The following LMNTD1 variants were observed in gnomAD, a reference collection of about 807,000 sequenced individuals.
The protein encoded by LMNTD1 is lamin tail domain containing 1.
LMNTD1 carries 35 observed loss-of-function variants against 50.9 expected under a neutral mutation model. The ratio of observed to expected loss-of-function variants is 0.69; its 90% CI spans 0.53 to 0.91. The LOEUF (loss-of-function observed/expected upper bound fraction) is 0.91, where lower values mean the gene tolerates loss of function less well. Ranked by LOEUF, LMNTD1 falls within the 40% of genes least tolerant of loss-of-function variation. LMNTD1 has a pLI of 0.00. For synonymous variants in LMNTD1, 153 were observed against 161.9 expected, an observed-to-expected ratio of 0.94 and a Z score of 0.42; for missense variants, 470 against 475.5, an observed-to-expected ratio of 0.99 and a Z score of 0.11.
At chr12:25,618,642 A>G (rs1218646104) in intron 1 of LMNTD1, among the ~76,000 whole-genome samples, 2 of 152,202 alleles carry the variant, frequency 1.3e-5, no homozygotes, top group African/African-American at 4.8e-5. Flanking sequence ...AAGGGAACAT[A>G]GGAATCGGAG....
At chr12:25,563,578 G>A (rs760931165) in intron 1 of LMNTD1, among the ~76,000 whole-genome samples, 9 of 152,190 alleles carry the variant, frequency 5.9e-5, no homozygotes, top group African/African-American at 1.2e-4. Flanking sequence ...TCCCAGTTAC[G>A]CTACTCAGGG....
chr12:25,632,005 C>A lies in LMNTD1; in HGVS notation c.58+16489G>T, dbSNP rs117964363. On this transcript the variant is annotated intron_variant, in intron 1 of 7. Coordinates refer to the LMNTD1 transcript ENST00000445693. ...GACACACTTATAGAAATGTAAAATG[C>A]TCTGCAAAGCCTCAGCAATAGAATT... 3.7e-3 allele frequency among the ~76,000 whole-genome samples: 558 copies of A among 152,152 alleles called. 5 individuals carry two copies. In the East Asian group the frequency reaches 0.041, roughly 11 times the overall value.
Position 25,503,752 on chromosome 12 carries a change from T to C in LMNTD1, c.*8A>G, listed in dbSNP as rs774307613. On this transcript the variant is annotated 3_prime_UTR_variant, in exon 9 of 10. Transcript: ENST00000458174. ...CAGTTACTTACCTTTAAAGGTTGAG[T>C]TGACTGCTTATTGCTTTTGTGACTC... 28 of 1,573,758 alleles carry C rather than the reference T, an allele frequency of 1.8e-5. No individual in the cohort carries two copies. In the Admixed American group the frequency reaches 4.8e-4, roughly 27 times the overall value.
chr12:25,635,450 G>A (rs938980614), intron 1 of LMNTD1, among the ~76,000 whole-genome samples: 2 of 151,992 alleles, frequency 1.3e-5, no homozygotes, highest in Admixed American at 1.3e-4. Flanking sequence ...ACCTCTACAA[G>A]AAAAACTGTA....
chr12:25,606,836 G>T (rs1465997682), intron 1 of LMNTD1, among the ~76,000 whole-genome samples: 1 of 152,184 alleles, frequency 6.6e-6, no homozygotes, highest in Non-Finnish European at 1.5e-5. Context: ...TCAGGATGAT[G>T]CTGGCCTCAT....
At chr12:25,495,857 T>C (rs1939045349) in intron 9 of LMNTD1, among the ~76,000 whole-genome samples, 1 of 152,180 alleles carries the variant, frequency 6.6e-6, no homozygotes, top group South Asian at 2.1e-4. Flanking sequence ...ATTTCTCTCT[T>C]TCTTGCAAGG....
At position 25,488,706 on chromosome 12, in the gene LMNTD1, A is replaced by G. The variant is rs1336450071; in HGVS notation, c.*23-12246T>C. On this transcript the variant is annotated intron_variant, in intron 9 of 9. Transcript: ENST00000458174. ...TGCGTTCCTTTGGAGGAGGAGAGGC[A>G]CTCTGCGTTTTAGAGTTTCCAGTTT... Among the ~76,000 whole-genome samples the G allele has an allele frequency of 3.2e-4, 48 of 152,012 alleles. No homozygotes were observed. The South Asian group carries it at 5.2e-3, about 16-fold the overall frequency.
rs1941178099 is a variant in LMNTD1 at position 25,520,075 on chromosome 12, C to G, written c.799G>C (p.Ala267Pro). The G allele has an allele frequency of 6.3e-7, 1 of 1,599,142 alleles. No individual in the cohort carries two copies. Among genetic ancestry groups the G allele is most frequent in the Non-Finnish European group, 8.5e-7 (1 of 1,172,674 alleles). ...ITILCKPNGQ[A>P]IAWYTPIHWK... ...TGGATAGGGGTGTACCACGCAATGG[C>G]CTAATGAAAATGATTTATTAATGTT... is the stretch of plus-strand genomic sequence containing the variant. The change falls in exon 7 of 10, where the codon GCC becomes CCC. Residue 267 changes from alanine (A) to proline (P), a missense_variant and splice_region_variant. Transcript: ENST00000458174.
chr12:25,535,133 G>T (rs1942494479), intron 4 of LMNTD1, among the ~76,000 whole-genome samples: 2 of 152,272 alleles, frequency 1.3e-5, no homozygotes, highest in South Asian at 2.1e-4. Flanking sequence ...AACTGTATTT[G>T]TATGTTCAAA....
intron 9 of LMNTD1, among the ~76,000 whole-genome samples, chr12:25,495,278 G>GTGTGTGTGTT (rs993284579): frequency 1.3e-5 from 2 of 151,854 alleles, no homozygotes; most frequent in African/African-American, 4.8e-5. Context: ...GTGTGTGTGT[G>GTGTGTGTGTT]TGTGTAGGCA....
At chr12:25,602,412 A>C (rs922000540) in intron 1 of LMNTD1, among the ~76,000 whole-genome samples, 4 of 151,996 alleles carry the variant, frequency 2.6e-5, no homozygotes, top group African/African-American at 9.7e-5. Flanking sequence ...ATTTGAGAAA[A>C]GGGCAAAGTA....
rs116489373 is a variant in LMNTD1, at chr12:25,596,974, C to T, written c.59-50420G>A. Among the ~76,000 whole-genome samples the T allele has an allele frequency of 4.1e-3, 620 of 151,960 alleles. 6 individuals are homozygous for T. The highest frequency in any genetic ancestry group is 0.014 in the African/African-American group (585 of 41,508). ...GCTTGTTAGGTTGTTTATTCAACAG[C>T]GTTAAGTTGTTATCAGCTTAAAATA... On this transcript the variant is annotated intron_variant, in intron 1 of 7. Transcript: ENST00000445693.
chr12:25,596,876 T>C (rs1312256019), intron 1 of LMNTD1, among the ~76,000 whole-genome samples: 1 of 151,770 alleles, frequency 6.6e-6, no homozygotes, highest in Non-Finnish European at 1.5e-5. Flanking sequence ...GTACAATAAA[T>C]GTAAATAGAA....
chr12:25,597,036 C>A (rs2666794), intron 1 of LMNTD1, among the ~76,000 whole-genome samples: 145,852 of 152,020 alleles, frequency 0.96, 70,274 homozygotes, highest in East Asian at 1. Flanking sequence ...CCTCATGATA[C>A]TCTCAAAACA....
intron 1 of LMNTD1, among the ~76,000 whole-genome samples, chr12:25,565,563 T>A (rs1050868086): frequency 6.6e-6 from 1 of 152,200 alleles, no homozygotes; most frequent in African/African-American, 2.4e-5. Flanking sequence ...TGAAAAGTTG[T>A]TGTAGTTATT....
intron 6 of LMNTD1, among the ~76,000 whole-genome samples, chr12:25,523,328 G>T (rs1310592519): frequency 1.3e-5 from 2 of 152,162 alleles, no homozygotes; most frequent in Non-Finnish European, 2.9e-5. Context: ...CACTGCGCTG[G>T]CCTAGGCTTC....
upstream of LMNTD1, among the ~76,000 whole-genome samples, chr12:25,555,417 A>G (rs138152646): frequency 2.6e-3 from 397 of 152,316 alleles, 2 homozygotes; most frequent in Non-Finnish European, 4.9e-3. Context: ...AGAAGAGCAC[A>G]TTAGCTAATC....
upstream of LMNTD1, among the ~76,000 whole-genome samples, chr12:25,554,482 T>C (rs1943947655): frequency 6.6e-6 from 1 of 152,250 alleles, no homozygotes; most frequent in African/African-American, 2.4e-5. Context: ...TATTTCCTTT[T>C]CTTAAATTAC....
chr12:25,560,181 A>G (rs909078338), intron 1 of LMNTD1, among the ~76,000 whole-genome samples: 9 of 152,224 alleles, frequency 5.9e-5, no homozygotes, highest in African/African-American at 2.2e-4. Flanking sequence ...TTTAGGTCTA[A>G]CATTTAAGTC....
Sources: gnomAD v4.1 joint callset for allele counts (sites outside exome capture counted in the v4.1 genomes callset) on GRCh38, gnomAD v4.1.1 for gene constraint, MANE v1.5 for transcripts, NCBI Gene and HGNC (gene_info 2026-07-23, HGNC 2026-07-21) for gene names.